The following SYCP1 variants were observed in gnomAD, a reference collection of about 807,000 sequenced individuals.
SYCP1 encodes cancer/testis antigen 8.
SYCP1 carries 64 observed loss-of-function variants against 153.1 expected under a neutral mutation model. The ratio of observed to expected loss-of-function variants is 0.42; its 90% CI spans 0.34 to 0.51. The LOEUF is 0.51. Among genes scored for constraint, SYCP1 ranks in the 20% least tolerant of loss-of-function variants. The pLI is 0.06. For synonymous variants in SYCP1, 384 were observed against 341.8 expected (o/e 1.12, Z -1.36); for missense variants, 997 against 1,049.0 (o/e 0.95, Z 0.68).
intron 20 of SYCP1, among the ~76,000 whole-genome samples, chr1:114,919,881 GTCT>G (rs1468612432): frequency 6.6e-6 from 1 of 151,508 alleles, no homozygotes; most frequent in Non-Finnish European, 1.5e-5. Context: ...ATTTATTTTG[GTCT>G]TCTCTCTTTT....
At chr1:114,876,906 T>A (rs1057381983) in intron 11 of SYCP1, 96 bp downstream of exon 11, 2 of 581,916 alleles carry the variant, frequency 3.4e-6, no homozygotes, top group Admixed American at 4.5e-5. Flanking sequence ...GAAAGTATGA[T>A]AAATTCCTAT....
At chr1:114,912,940 A>C (rs1241340584) in intron 18 of SYCP1, 93 bp from the exon 19 acceptor site, 1 of 825,478 alleles carries the variant, frequency 1.2e-6, no homozygotes, top group Admixed American at 2.7e-5. Context: ...CCAGCCCTTC[A>C]TCCCTTTCCC....
At chr1:114,920,984 T>A (rs1668828765) in intron 20 of SYCP1, among the ~76,000 whole-genome samples, 1 of 152,162 alleles carries the variant, frequency 6.6e-6, no homozygotes, top group Non-Finnish European at 1.5e-5. Context: ...CATTCAATGT[T>A]ATTATTGATA....
chr1:114,895,568 C>T, intron 16 of SYCP1, 59 bp downstream of exon 16: 1 of 922,344 alleles, frequency 1.1e-6, no homozygotes, highest in Non-Finnish European at 1.6e-6. Context: ...ATATTGAATC[C>T]CTTAACTTAT....
chr1:114,870,017 A>T (rs574201793), intron 8 of SYCP1, among the ~76,000 whole-genome samples: 2 of 151,880 alleles, frequency 1.3e-5, no homozygotes, highest in Non-Finnish European at 2.9e-5. Context: ...ATTTTTATTT[A>T]TTTATTTATT....
chr1:114,871,008 C>T (rs1411694707), intron 8 of SYCP1, among the ~76,000 whole-genome samples: 1 of 151,974 alleles, frequency 6.6e-6, no homozygotes, highest in Non-Finnish European at 1.5e-5. Context: ...AGTTTCTCTC[C>T]TTTCTTAGAA....
intron 6 of SYCP1, among the ~76,000 whole-genome samples, chr1:114,858,931 AAAT>A (rs1468251549): frequency 6.6e-6 from 1 of 152,206 alleles, no homozygotes; most frequent in Non-Finnish European, 1.5e-5. Flanking sequence ...ATGATTAGGG[AAAT>A]AATAAATCAC....
intron 29 of SYCP1, among the ~76,000 whole-genome samples, chr1:114,984,483 C>A (rs1471703989): frequency 6.6e-6 from 1 of 151,894 alleles, no homozygotes; most frequent in African/African-American, 2.4e-5. Context: ...TTTTCTTCAG[C>A]AAGTTAAAGG....
intron 8 of SYCP1, chr1:114,863,245 T>G (rs1455983914): frequency 6.6e-6 from 1 of 151,256 alleles, no homozygotes; most frequent in South Asian, 2.1e-4. Context: ...TAATTTACAC[T>G]CCCACCAATA....
At chr1:114,884,283 C>T (rs754965526) in intron 12 of SYCP1, among the ~76,000 whole-genome samples, 3 of 152,162 alleles carry the variant, frequency 2.0e-5, no homozygotes, top group Admixed American at 6.5e-5. Flanking sequence ...GATGCCAGAA[C>T]GTGTCATTCT....
chr1:114,988,220 G>T (rs1169275637), intron 30 of SYCP1, among the ~76,000 whole-genome samples: 4 of 151,562 alleles, frequency 2.6e-5, no homozygotes, highest in African/African-American at 7.2e-5. Flanking sequence ...AGGTGGGGGG[G>T]TAGACAGAGA....
Position 114,913,013 on chromosome 1 carries a change from CTT to C in SYCP1, c.1530-11_1530-10del. The C allele has an allele frequency of 7.2e-7, 1 of 1,393,520 alleles. No homozygotes were observed. Among genetic ancestry groups the C allele is most frequent in the Non-Finnish European group, 9.8e-7 (1 of 1,018,072 alleles). The allele number at this position is 1,393,520 out of a possible 1,614,324, so 86.3% of individuals were successfully genotyped here. ...TACATTTGTAAATATTTTGGTATGA[CTT>C]TTTTTTTTAAAAAATAGGCTTAAGA... On this transcript the variant is annotated intron_variant, in intron 18 of 31. Coordinates refer to ENST00000369522, the MANE Select transcript of SYCP1 (RefSeq NM_003176.4).
At chr1:114,876,007 CAT>C (rs1665503997) in intron 9 of SYCP1, 60 bp from the exon 10 acceptor site, 1 of 1,112,628 alleles carries the variant, frequency 9.0e-7, no homozygotes, top group Non-Finnish European at 1.3e-6. Context: ...GTAATATTTT[CAT>C]AGTTTGAAGA....
intron 16 of SYCP1, 122 bp from the exon 17 acceptor site, chr1:114,910,275 T>C (rs1668091362): frequency 1.6e-6 from 1 of 607,888 alleles, no homozygotes; most frequent in Admixed American, 3.7e-5. Context: ...TAATTTTCTC[T>C]TTTTAAAGAA....
chr1:114,867,684 G>C (rs529563176), intron 8 of SYCP1, among the ~76,000 whole-genome samples: 1 of 151,786 alleles, frequency 6.6e-6, no homozygotes, highest in Non-Finnish European at 1.5e-5. Flanking sequence ...TCTCTGTATA[G>C]ACAGTTATGT....
At chr1:114,966,358 G>C (rs1303825543) in intron 27 of SYCP1, among the ~76,000 whole-genome samples, 1 of 151,942 alleles carries the variant, frequency 6.6e-6, no homozygotes, top group African/African-American at 2.4e-5. Context: ...GTTCTGCTCT[G>C]ATCTTAATTA....
intron 27 of SYCP1, among the ~76,000 whole-genome samples, chr1:114,954,054 A>G (rs1386792767): frequency 1.4e-5 from 2 of 144,032 alleles, no homozygotes; most frequent in African/African-American, 2.5e-5. Context: ...AAAAATAGAC[A>G]TTTGTTCTTA....
chr1:114,937,575 C>T (rs1204690935), intron 23 of SYCP1, among the ~76,000 whole-genome samples: 5 of 152,112 alleles, frequency 3.3e-5, no homozygotes, highest in South Asian at 2.1e-4. Flanking sequence ...AGCTTCTGCA[C>T]AGCAAAAGAA....
At chr1:114,971,224 T>C (rs1236201828) in intron 27 of SYCP1, among the ~76,000 whole-genome samples, 3 of 151,758 alleles carry the variant, frequency 2.0e-5, no homozygotes, top group Non-Finnish European at 4.4e-5. Context: ...AACCATCAGG[T>C]GGGGGCAGGG....
Sources: allele counts gnomAD v4.1 joint callset (sites outside exome capture counted in the v4.1 genomes callset), GRCh38; gene constraint gnomAD v4.1.1; transcripts MANE v1.5; gene names NCBI Gene and HGNC (gene_info 2026-07-23, HGNC 2026-07-21).